The following HCN2 variants were observed in gnomAD, a reference collection of about 807,000 sequenced individuals.
HCN2 encodes potassium/sodium hyperpolarization-activated cyclic nucleotide-gated channel 2.
Under a neutral mutation model 52.3 loss-of-function variants are expected in HCN2, and 20 were observed. The observed-to-expected ratio is 0.38, with a 90% CI of 0.27 to 0.56. The LOEUF (loss-of-function observed/expected upper bound fraction) is 0.56, where lower values mean the gene tolerates loss of function less well. Among genes scored for constraint, HCN2 ranks in the 20% least tolerant of loss-of-function variants. The pLI is 0.71. For missense variants in HCN2, 981 were observed against 1,207.7 expected, an observed-to-expected ratio of 0.81 and a Z score of 2.78; for synonymous variants, 694 against 537.0, an observed-to-expected ratio of 1.29 and a Z score of -4.04.
Position 616,555 on chromosome 19 carries a change from C to G in HCN2, c.*81C>G. ...ACCAAAGCCATGCCATTGCGCTGCCCCGGCCGCCAGTCCGCCCAGAAGCCA... is the reference window on the plus strand; with the variant it reads ...ACCAAAGCCATGCCATTGCGCTGCCGCGGCCGCCAGTCCGCCCAGAAGCCA... On this transcript the variant is annotated 3_prime_UTR_variant, in exon 8 of 8. Transcript: ENST00000251287. 4 of 848,546 alleles carry G rather than the reference C, an allele frequency of 4.7e-6. No individual in the cohort carries two copies. Among genetic ancestry groups the G allele is most frequent in the Non-Finnish European group, 6.0e-6 (4 of 666,388 alleles). 52.6% of individuals were successfully genotyped at this position (848,546 alleles called of 1,614,324 possible).
chr19:590,530 C>G lies in HCN2; in HGVS notation c.585C>G (p.Arg195=), dbSNP rs1212155304. 4.0e-6 allele frequency: 6 copies of G among 1,511,036 alleles called. No homozygotes were observed. Among genetic ancestry groups the G allele is most frequent in the Non-Finnish European group, 5.3e-6 (6 of 1,122,968 alleles). 93.6% of individuals were successfully genotyped at this position (1,511,036 alleles called of 1,614,324 possible). A position where few individuals can be genotyped will look rare whatever the true frequency, so the allele number is the denominator to read the frequency against. Residue 195 remains arginine (R), a synonymous_variant, in exon 1 of 8, where the codon CGC becomes CGG. Coordinates refer to ENST00000251287, the MANE Select transcript of HCN2 (RefSeq NM_001194.4). The surrounding 1 kb of genome is among the most constrained non-coding windows in gnomAD (Gnocchi z 7.2). ...AGGCCGTGGAGCGCGAGCAGGAGCG[C>G]GTCAAGTCGGCGGGGGCCTGGATCA... ...SQKAVEREQE[R]VKSAGAWIIH...
At chr19:611,291 G>T (rs1453383171) in intron 5 of HCN2, among the ~76,000 whole-genome samples, 1 of 152,254 alleles carries the variant, frequency 6.6e-6, no homozygotes, top group Non-Finnish European at 1.5e-5. Context: ...CCCTCAGGAA[G>T]CGGGGCCTAG....
intron 1 of HCN2, among the ~76,000 whole-genome samples, chr19:599,891 T>TCA (rs1983151177): frequency 1.4e-5 from 2 of 142,562 alleles, no homozygotes; most frequent in African/African-American, 5.2e-5. Flanking sequence ...TGTGTGTGTG[T>TCA]GTGTGTCAGA....
chr19:596,160 G>C (rs1276059179), intron 1 of HCN2, among the ~76,000 whole-genome samples: 1 of 152,238 alleles, frequency 6.6e-6, no homozygotes, highest in Non-Finnish European at 1.5e-5. Flanking sequence ...CGTCGGCTTT[G>C]GGAACTTCAG....
In HCN2 at chr19:591,395, G is replaced by A. The variant is rs1393292129; in HGVS notation, c.632+818G>A. 6.6e-6 allele frequency: 1 copy of A among 152,336 alleles called. No individual in the cohort carries two copies. The highest frequency in any genetic ancestry group is 2.4e-5 in the African/African-American group (1 of 41,428). The allele number at this position is 152,336 out of a possible 1,614,324, so 9.4% of individuals were successfully genotyped here. A position where few individuals can be genotyped will look rare whatever the true frequency, so the allele number is the denominator to read the frequency against. ...GAGTGTGTTTGCGTGGTGGTCGCGGGCGTGTGCGCCTCCGGTGGGTTTATT... is the reference window on the plus strand; with the variant it reads ...GAGTGTGTTTGCGTGGTGGTCGCGGACGTGTGCGCCTCCGGTGGGTTTATT... On this transcript the variant is annotated intron_variant, in intron 1 of 7. Transcript: ENST00000251287. This position sits in a 1 kb window ranked among gnomAD's most constrained non-coding sequence, Gnocchi z 4.1.
In HCN2 at chr19:616,429, G is replaced by A. The variant is rs541952823; in HGVS notation, c.2625G>A (p.Leu875=). The part of the protein sequence containing the change: ...DSASPGAAGG[L]DPQDSARSRL... ...CCTCACCCGGCGCCGCCGGCGGCCT[G>A]GACCCCCAGGACTCCGCGCGCTCGC... is the stretch of plus-strand genomic sequence containing the variant. The change falls in exon 8 of 8, where the codon CTG becomes CTA. Residue 875 remains leucine, a synonymous_variant. Transcript: ENST00000251287. 4 of 1,242,754 alleles carry A rather than the reference G, an allele frequency of 3.2e-6. No homozygotes were observed. Among genetic ancestry groups the A allele is most frequent in the Non-Finnish European group, 4.0e-6 (4 of 990,670 alleles). The allele number at this position is 1,242,754 out of a possible 1,614,324, so 77.0% of individuals were successfully genotyped here.
intron 1 of HCN2, among the ~76,000 whole-genome samples, chr19:593,320 G>A (rs1379449414): frequency 1.3e-5 from 2 of 152,214 alleles, no homozygotes; most frequent in African/African-American, 2.4e-5. Flanking sequence ...TGGCCCCTTT[G>A]GAAGTGCAGT....
At chr19:610,522 G>T in intron 5 of HCN2, 117 bp downstream of exon 5, 1 of 897,280 alleles carries the variant, frequency 1.1e-6, no homozygotes, top group Non-Finnish European at 1.8e-6. Flanking sequence ...CAGCAGGAGG[G>T]ACTCGAGCTA....
intron 1 of HCN2, among the ~76,000 whole-genome samples, chr19:597,910 AG>A (rs1171891014): frequency 3.3e-5 from 5 of 151,962 alleles, no homozygotes; most frequent in Non-Finnish European, 5.9e-5. Context: ...TGGTCTCTGG[AG>A]CCCCCTGGGA....
intron 1 of HCN2, among the ~76,000 whole-genome samples, chr19:594,852 G>GCCTTCCCTA (rs533295974): frequency 9.0e-4 from 137 of 152,236 alleles, no homozygotes; most frequent in Non-Finnish European, 1.5e-3. Context: ...AGGGGTCGGG[G>GCCTTCCCTA]TGGCCAAGGC....
chr19:613,514 AGGGGGAGGGGGCACGCG>A (rs1442004552), intron 6 of HCN2, 26 bp downstream of exon 6: 5 of 326,518 alleles, frequency 1.5e-5, no homozygotes, highest in Non-Finnish European at 2.5e-5. Flanking sequence ...GCGCGCCTGG[AGGGGGAGGGGGCACGCG>A]ACCCCCGCGG....
chr19:610,877 C>T (rs59753037), intron 5 of HCN2, among the ~76,000 whole-genome samples: 145 of 152,286 alleles, frequency 9.5e-4, no homozygotes, highest in African/African-American at 2.6e-3. Flanking sequence ...TCCTGGAGGC[C>T]GGAAGCCCAA....
intron 7 of HCN2, among the ~76,000 whole-genome samples, chr19:615,348 A>G (rs1983850141): frequency 6.6e-6 from 1 of 151,904 alleles, no homozygotes; most frequent in South Asian, 2.1e-4. Flanking sequence ...TCTCTACTAA[A>G]AAAAAAATAC....
rs1983976210 is a variant in HCN2 at position 616,896 on chromosome 19, C to T, written c.*422C>T. On this transcript the variant is annotated 3_prime_UTR_variant, in exon 8 of 8. Coordinates refer to ENST00000251287, the MANE Select transcript of HCN2 (RefSeq NM_001194.4). ...TACTTGGCCCGCCGGCTTCCCGCTG[C>T]CCCCATCGCGCTCACGCAATAACCG... 3.5e-6 allele frequency: 1 copy of T among 287,570 alleles called. No individual in the cohort carries two copies. Among genetic ancestry groups the T allele is most frequent in the South Asian group, 3.5e-5 (1 of 28,490 alleles). The allele number at this position is 287,570 out of a possible 1,614,324, so 17.8% of individuals were successfully genotyped here.
At chr19:615,090 A>T in intron 7 of HCN2, among the ~76,000 whole-genome samples, 1 of 152,192 alleles carries the variant, frequency 6.6e-6, no homozygotes, top group East Asian at 1.9e-4. Flanking sequence ...GGCTGTGTAC[A>T]GGCAGGTGTT....
At position 603,719 on chromosome 19, in the gene HCN2, G is replaced by C; in HGVS notation, c.808G>C (p.Glu270Gln). 1 of 1,612,820 alleles carries C rather than the reference G, an allele frequency of 6.2e-7. No homozygotes were observed. The highest frequency in any genetic ancestry group is 8.5e-7 in the Non-Finnish European group (1 of 1,179,766). Residue 270 changes from glutamate (E) to glutamine (Q), a missense_variant, in exon 2 of 8, where the codon GAG (glutamate) becomes CAG (glutamine). Glu to Gln is a conservative substitution (Grantham distance 29). This residue lies in a region of HCN2 where 282 missense variants were observed against 553.8 expected (regional missense o/e 0.51). Transcript: ENST00000251287. ...VLNFRTGIVIEDNTEIILDPE... is the reference protein window; with the variant it reads ...VLNFRTGIVIQDNTEIILDPE... ...GAACTTCCGCACCGGCATTGTGATC[G>C]AGGACAACACGGAGATCATCCTGGA...
rs764626122 is a variant in HCN2, at chr19:613,481, C to G, written c.1818C>G (p.Tyr606Ter). The change falls in exon 6 of 8, where the codon TAC becomes TAG. Residue 606 changes from tyrosine to a stop codon, truncating the protein, a stop_gained. Coordinates refer to ENST00000251287, the MANE Select transcript of HCN2 (RefSeq NM_001194.4). LOFTEE classifies it high-confidence loss of function. ...NKEMKLSDGS[Y>*]FGEICLLTRG... ...AGATGAAGCTGTCCGATGGCTCCTACTTCGGGGGTGAGCTTGAGGGGGGCG... is the reference window on the plus strand; with the variant it reads ...AGATGAAGCTGTCCGATGGCTCCTAGTTCGGGGGTGAGCTTGAGGGGGGCG... 1 of 1,557,658 alleles carries G rather than the reference C, an allele frequency of 6.4e-7. No homozygotes were observed. The highest frequency in any genetic ancestry group is 8.7e-7 in the Non-Finnish European group (1 of 1,147,340).
chr19:610,811 G>A (rs564441454), intron 5 of HCN2, among the ~76,000 whole-genome samples: 60 of 152,296 alleles, frequency 3.9e-4, no homozygotes, highest in Admixed American at 2.7e-3. Context: ...CAGGGTTGCG[G>A]GAACAAATAC....
Position 608,163 on chromosome 19 carries a change from G to A in HCN2, c.1418G>A (p.Arg473Gln), listed in dbSNP as rs750959680. 3.2e-5 allele frequency: 51 copies of A among 1,612,782 alleles called. No individual in the cohort carries two copies. The highest frequency in any genetic ancestry group is 1.3e-4 in the Admixed American group (8 of 60,010). ...CTCATCCAGTCGCTGGACTCCTCGC[G>A]GCGCCAGTACCAGGAGAAGGTCTGA... is the stretch of plus-strand genomic sequence containing the variant. ...TALIQSLDSS[R>Q]RQYQEKYKQV... The change falls in exon 4 of 8, where the codon CGG becomes CAG. Residue 473 changes from arginine to glutamine, a missense_variant. Around this residue, in one of 6 missense-constraint regions of HCN2, gnomAD observed 282 missense variants for 553.8 expected, o/e 0.51. Coordinates refer to ENST00000251287, the MANE Select transcript of HCN2 (RefSeq NM_001194.4).
Sources: gnomAD v4.1 joint callset for allele counts (sites outside exome capture counted in the v4.1 genomes callset) on GRCh38, gnomAD v4.1.1 for gene constraint, gnomAD v4.1.1 regional missense constraint, Gnocchi (gnomAD v3.1) non-coding constraint, MANE v1.5 for transcripts, NCBI Gene and HGNC (gene_info 2026-07-23, HGNC 2026-07-21) for gene names.